Variants in NBEA observed in about 807,000 individuals in gnomAD.
The protein encoded by NBEA is lysosomal-trafficking regulator 2.
NBEA carries 44 observed loss-of-function variants against 343.4 expected under a neutral mutation model. That is an observed-to-expected ratio of 0.13 (90% confidence interval 0.10 to 0.16). The LOEUF (loss-of-function observed/expected upper bound fraction) is 0.16. Among genes scored for constraint, NBEA ranks in the 10% least tolerant of loss-of-function variants. The pLI, the probability that NBEA is intolerant of heterozygous loss-of-function variation, is 1.00. For missense variants in NBEA, 2,555 were observed against 3,631.3 expected (o/e 0.70, Z 7.62); for synonymous variants, 1,175 against 1,238.7 (o/e 0.95, Z 1.08).
chr13:35,275,008 T>G lies in NBEA; in HGVS notation c.5777-15381T>G, dbSNP rs1049404222. Among the ~76,000 whole-genome samples, 4 of 152,170 alleles carry G rather than the reference T, an allele frequency of 2.6e-5. No individual in the cohort carries two copies. In the East Asian group the frequency reaches 7.7e-4, roughly 29 times the overall value. On this transcript the variant is annotated intron_variant, in intron 34 of 58. Transcript: ENST00000379939. ...TTCAAAGAATTGGAAAAAAAGTACTTTAAGTTTCATATGGAACCAAAAAAG... is the reference window on the plus strand; with the variant it reads ...TTCAAAGAATTGGAAAAAAAGTACTGTAAGTTTCATATGGAACCAAAAAAG...
At chr13:35,655,371 C>T (rs2084768120) in intron 54 of NBEA, among the ~76,000 whole-genome samples, 1 of 152,176 alleles carries the variant, frequency 6.6e-6, no homozygotes, top group Admixed American at 6.5e-5. Flanking sequence ...ATTCTTGTAT[C>T]AGTTTCCAAA....
At chr13:35,111,628 A>G (rs891631833) in intron 13 of NBEA, among the ~76,000 whole-genome samples, 4 of 151,912 alleles carry the variant, frequency 2.6e-5, no homozygotes, top group African/African-American at 7.2e-5. Flanking sequence ...TCTCAGCTCA[A>G]TGTAGTAATG....
At chr13:34,984,550 C>T (rs1394981114) in intron 1 of NBEA, among the ~76,000 whole-genome samples, 1 of 139,142 alleles carries the variant, frequency 7.2e-6, no homozygotes, top group Non-Finnish European at 1.7e-5. Flanking sequence ...TGCATATGAA[C>T]TTTAAAGTAG....
intron 1 of NBEA, among the ~76,000 whole-genome samples, chr13:34,976,085 AG>A (rs1307545499): frequency 2.0e-5 from 3 of 152,214 alleles, no homozygotes; most frequent in Non-Finnish European, 4.4e-5. Flanking sequence ...ATCTACCCAG[AG>A]GAAAATAAGT....
chr13:35,556,538 T>C (rs1260208399), intron 44 of NBEA, among the ~76,000 whole-genome samples: 2 of 152,098 alleles, frequency 1.3e-5, no homozygotes, highest in Admixed American at 1.3e-4. Context: ...TTGCTTTTTA[T>C]ATTGTTTGTT....
At chr13:35,455,260 T>C (rs1045207348) in intron 40 of NBEA, among the ~76,000 whole-genome samples, 1 of 152,096 alleles carries the variant, frequency 6.6e-6, no homozygotes, top group Non-Finnish European at 1.5e-5. Context: ...TGCAGTATAA[T>C]TTGCCAATAT....
At chr13:35,256,345 G>A (rs1380607073) in intron 34 of NBEA, among the ~76,000 whole-genome samples, 1 of 152,160 alleles carries the variant, frequency 6.6e-6, no homozygotes, top group African/African-American at 2.4e-5. Context: ...CTGGTTCTGG[G>A]GTCTTTATGG....
At chr13:35,594,806 T>C (rs1474627328) in intron 47 of NBEA, among the ~76,000 whole-genome samples, 1 of 152,118 alleles carries the variant, frequency 6.6e-6, no homozygotes. Context: ...TCAAATATTT[T>C]GTATGTGAAT....
chr13:35,180,725 G>A (rs2071257023), intron 28 of NBEA, among the ~76,000 whole-genome samples: 2 of 151,710 alleles, frequency 1.3e-5, no homozygotes, highest in Admixed American at 6.6e-5. Context: ...TTGAATACAC[G>A]AGTAAGTTCT....
intron 27 of NBEA, among the ~76,000 whole-genome samples, chr13:35,175,703 A>G (rs1227045214): frequency 2.0e-5 from 3 of 152,136 alleles, no homozygotes; most frequent in African/African-American, 7.2e-5. Context: ...ACAACAATGA[A>G]TGGATCTGAG....
intron 39 of NBEA, among the ~76,000 whole-genome samples, chr13:35,442,905 G>T (rs576236482): frequency 6.6e-6 from 1 of 151,946 alleles, no homozygotes. Context: ...AGAGTATATT[G>T]TCAGCTTACT....
At chr13:34,966,155 G>A (rs2059814485) in intron 1 of NBEA, among the ~76,000 whole-genome samples, 1 of 152,050 alleles carries the variant, frequency 6.6e-6, no homozygotes, top group African/African-American at 2.4e-5. Context: ...GAAGTTTGGT[G>A]GAATTTGAAG....
At chr13:35,050,919 A>T (rs906493568) in intron 6 of NBEA, among the ~76,000 whole-genome samples, 2 of 151,960 alleles carry the variant, frequency 1.3e-5, no homozygotes, top group African/African-American at 2.4e-5. Context: ...CATGAAATGT[A>T]TCTTTACTTA....
chr13:35,409,315 G>A (rs2043449998), intron 38 of NBEA, among the ~76,000 whole-genome samples: 1 of 152,046 alleles, frequency 6.6e-6, no homozygotes, highest in South Asian at 2.1e-4. Flanking sequence ...CACATAGAGG[G>A]AAATGACACA....
In NBEA at chr13:35,527,509, C is replaced by G. The variant is rs182715617; in HGVS notation, c.6586-22968C>G. Among the ~76,000 whole-genome samples, 4 of 152,334 alleles carry G rather than the reference C, an allele frequency of 2.6e-5. No individual in the cohort carries two copies. The East Asian group carries it at 7.7e-4, about 29-fold the overall frequency. ...TCGGGTTGCCTTCAGCTACCCCCAG[C>G]CTCCCTCCTGAGCTCCTGGGTGCCC... On this transcript the variant is annotated intron_variant, in intron 41 of 58. Coordinates refer to ENST00000379939, the MANE Select transcript of NBEA (RefSeq NM_001385012.1).
chr13:35,632,519 C>G (rs572836718), intron 49 of NBEA, among the ~76,000 whole-genome samples: 18 of 151,712 alleles, frequency 1.2e-4, no homozygotes, highest in African/African-American at 4.4e-4. Context: ...TACAAAAGTA[C>G]AGAGAATGGT....
chr13:35,265,727 TAAATG>T (rs1311830888), intron 34 of NBEA, among the ~76,000 whole-genome samples: 1 of 151,856 alleles, frequency 6.6e-6, no homozygotes, highest in Non-Finnish European at 1.5e-5. Context: ...ATTAAAAACT[TAAATG>T]TAAGACCTAC....
chr13:35,294,286 G>T (rs772462953), intron 35 of NBEA, among the ~76,000 whole-genome samples: 3 of 149,932 alleles, frequency 2.0e-5, no homozygotes, highest in Admixed American at 6.7e-5. Flanking sequence ...GAACATTTAC[G>T]TTTTTCATTT....
intron 41 of NBEA, among the ~76,000 whole-genome samples, chr13:35,526,889 G>C (rs1356523166): frequency 6.6e-6 from 1 of 152,112 alleles, no homozygotes; most frequent in Admixed American, 6.5e-5. Flanking sequence ...TGGCTTCAAT[G>C]ATGGGCACCG....
Sources: gnomAD v4.1 joint callset for allele counts (sites outside exome capture counted in the v4.1 genomes callset) on GRCh38, gnomAD v4.1.1 for gene constraint, MANE v1.5 for transcripts, NCBI Gene and HGNC (gene_info 2026-07-23, HGNC 2026-07-21) for gene names.